Variants in FRAS1 observed in about 807,000 individuals in gnomAD.
FRAS1 encodes the protein Fraser extracellular matrix complex subunit 1.
FRAS1 carries 290 observed loss-of-function variants against 435.2 expected under a neutral mutation model. The ratio of observed to expected loss-of-function variants is 0.67; its 90% CI spans 0.61 to 0.73. FRAS1 has a LOEUF of 0.73. FRAS1 is among the 30% of genes least tolerant of loss of function. FRAS1 has a pLI of 0.00. For missense variants in FRAS1, 4,860 were observed against 5,001.5 expected (o/e 0.97, Z 0.85); for synonymous variants, 1,800 against 1,851.0 (o/e 0.97, Z 0.71).
At chr4:78,440,279 G>A (rs545810893) in intron 40 of FRAS1, among the ~76,000 whole-genome samples, 22 of 151,970 alleles carry the variant, frequency 1.4e-4, no homozygotes, top group South Asian at 4.1e-4. Flanking sequence ...TGATCCACCC[G>A]CCTCGGCCTC....
chr4:78,520,867 G>A (rs1721365833), intron 67 of FRAS1, among the ~76,000 whole-genome samples: 1 of 152,124 alleles, frequency 6.6e-6, no homozygotes, highest in Non-Finnish European at 1.5e-5. Flanking sequence ...ATTTCTCATG[G>A]GAAAATAACT....
rs571946691 is a variant in FRAS1 at position 78,429,040 on chromosome 4, G to A, written c.4712-55G>A. The A allele has an allele frequency of 3.4e-4, 491 of 1,426,750 alleles. 1 individual carries two copies. The African/African-American group carries it at 7.1e-3, about 21-fold the overall frequency. The allele number at this position is 1,426,750 out of a possible 1,614,324, so 88.4% of individuals were successfully genotyped here. A position where few individuals can be genotyped will look rare whatever the true frequency, so the allele number is the denominator to read the frequency against. ...CAAGTTGATTCGTGTGTGTGTGTGC[G>A]TGTCTCTGTGTGTGTGTGTGTGTCT... On this transcript the variant is annotated intron_variant, in intron 35 of 73. Transcript: ENST00000512123.
At chr4:78,323,091 A>G (rs1354430568) in intron 18 of FRAS1, among the ~76,000 whole-genome samples, 1 of 152,166 alleles carries the variant, frequency 6.6e-6, no homozygotes, top group Non-Finnish European at 1.5e-5. Flanking sequence ...ACTTGTATGC[A>G]TTTGTCCTGT....
chr4:78,130,012 C>T (rs1367983691), intron 2 of FRAS1, among the ~76,000 whole-genome samples: 1 of 152,166 alleles, frequency 6.6e-6, no homozygotes, highest in Non-Finnish European at 1.5e-5. Context: ...GCCTGCTCAT[C>T]CTTACTGTGT....
chr4:78,178,542 TAGTC>T (rs1416780513), intron 2 of FRAS1, among the ~76,000 whole-genome samples: 1 of 152,242 alleles, frequency 6.6e-6, no homozygotes, highest in Non-Finnish European at 1.5e-5. Flanking sequence ...ATTCCCCTGA[TAGTC>T]AGTGTAGTAT....
chr4:78,370,005 T>G, intron 23 of FRAS1, 21 bp downstream of exon 23: 2 of 1,607,460 alleles, frequency 1.2e-6, no homozygotes. Flanking sequence ...TCCTGAATTG[T>G]GTAAAGATTC....
At chr4:78,058,118 G>GTGTA (rs2109835320) in intron 1 of FRAS1, 33 bp downstream of exon 1, 1 of 1,541,048 alleles carries the variant, frequency 6.5e-7, no homozygotes, top group Non-Finnish European at 9.0e-7. Context: ...GTGTGTGTGT[G>GTGTA]TGCGTGTGCG....
chr4:78,075,843 T>C (rs1406950209), intron 2 of FRAS1, among the ~76,000 whole-genome samples: 1 of 152,076 alleles, frequency 6.6e-6, no homozygotes, highest in African/African-American at 2.4e-5. Context: ...TCTTAGGATA[T>C]AGGATCAGTA....
intron 70 of FRAS1, among the ~76,000 whole-genome samples, chr4:78,528,771 C>T (rs1015023101): frequency 2.0e-5 from 3 of 152,090 alleles, no homozygotes; most frequent in Non-Finnish European, 4.4e-5. Flanking sequence ...TATGTAAATA[C>T]CTAAAAATGG....
intron 35 of FRAS1, among the ~76,000 whole-genome samples, chr4:78,428,315 T>A (rs1380918902): frequency 7.5e-6 from 1 of 133,964 alleles, no homozygotes; most frequent in Non-Finnish European, 1.6e-5. Flanking sequence ...TTGTCTGTCC[T>A]TTTAAAAAGT....
chr4:78,343,831 C>T (rs551586826), intron 20 of FRAS1, among the ~76,000 whole-genome samples: 63 of 152,276 alleles, frequency 4.1e-4, no homozygotes, highest in Non-Finnish European at 6.5e-4. Flanking sequence ...CCTCCAGACA[C>T]AGTGACTGGA....
intron 2 of FRAS1, among the ~76,000 whole-genome samples, chr4:78,191,607 T>C (rs1722537810): frequency 6.6e-6 from 1 of 151,764 alleles, no homozygotes; most frequent in Admixed American, 6.6e-5. Context: ...TTGTTACACA[T>C]GTATACATGT....
At chr4:78,130,226 G>A (rs779520779) in intron 2 of FRAS1, among the ~76,000 whole-genome samples, 11 of 151,926 alleles carry the variant, frequency 7.2e-5, no homozygotes, top group Non-Finnish European at 1.5e-4. Context: ...CCTTATTAAC[G>A]GTGATTTTTT....
At chr4:78,097,211 A>C (rs374482750) in intron 2 of FRAS1, among the ~76,000 whole-genome samples, 1 of 152,138 alleles carries the variant, frequency 6.6e-6, no homozygotes, top group Non-Finnish European at 1.5e-5. Flanking sequence ...TCTATCTGAG[A>C]CCACCTCAGC....
chr4:78,139,044 A>T (rs1186399652), intron 2 of FRAS1, among the ~76,000 whole-genome samples: 1 of 152,182 alleles, frequency 6.6e-6, no homozygotes, highest in African/African-American at 2.4e-5. Flanking sequence ...GCTTACTGAG[A>T]GCTCACAACT....
intron 14 of FRAS1, 79 bp from the exon 15 acceptor site, chr4:78,307,984 GTAT>G: frequency 7.3e-7 from 1 of 1,378,766 alleles, no homozygotes; most frequent in Non-Finnish European, 9.8e-7. Flanking sequence ...TCCTCCTTGT[GTAT>G]TCTAAAATAT....
chr4:78,123,318 T>A (rs972081734), intron 2 of FRAS1, among the ~76,000 whole-genome samples: 1 of 152,202 alleles, frequency 6.6e-6, no homozygotes, highest in Admixed American at 6.5e-5. Flanking sequence ...AGGCCTCTGT[T>A]CGGATCCATT....
intron 2 of FRAS1, among the ~76,000 whole-genome samples, chr4:78,129,420 G>C (rs1220415407): frequency 1.3e-5 from 2 of 152,206 alleles, no homozygotes. Context: ...CTTAGATGCA[G>C]GTACTGAATT....
At chr4:78,171,058 G>A (rs1490132580) in intron 2 of FRAS1, among the ~76,000 whole-genome samples, 4 of 151,962 alleles carry the variant, frequency 2.6e-5, no homozygotes, top group South Asian at 2.1e-4. Flanking sequence ...TAGGGCTCAC[G>A]AATCTCTTTG....
Sources: allele counts gnomAD v4.1 joint callset (sites outside exome capture counted in the v4.1 genomes callset), GRCh38; gene constraint gnomAD v4.1.1; transcripts MANE v1.5; gene names NCBI Gene and HGNC (gene_info 2026-07-23, HGNC 2026-07-21).